The following AUTS2 variants were observed in gnomAD, a reference collection of about 807,000 sequenced individuals.
The protein encoded by AUTS2 is autism susceptibility gene 2 protein.
A neutral mutation model predicts 112.4 loss-of-function variants in AUTS2; 17 were observed. That is an observed-to-expected ratio of 0.15 (90% CI 0.10 to 0.23). The LOEUF is 0.23. AUTS2 is among the 10% of genes least tolerant of loss of function. AUTS2 has a pLI of 1.00. For synonymous variants in AUTS2, 751 were observed against 702.7 expected, an observed-to-expected ratio of 1.07 and a Z score of -1.09; for missense variants, 1,510 against 1,701.6, an observed-to-expected ratio of 0.89 and a Z score of 1.98.
chr7:69,860,041 G>GT (rs979416660), intron 1 of AUTS2, among the ~76,000 whole-genome samples: 58 of 151,072 alleles, frequency 3.8e-4, no homozygotes, highest in East Asian at 2.9e-3. Context: ...ACAAAGAGGT[G>GT]TTTTTTTTTG....
chr7:70,398,875 C>G (rs1188543722), intron 4 of AUTS2, among the ~76,000 whole-genome samples: 1 of 150,220 alleles, frequency 6.7e-6, no homozygotes, highest in Admixed American at 6.6e-5. Context: ...TGAAAAAGTT[C>G]TTTTCTAATC....
At chr7:69,861,877 G>C (rs544314832) in intron 1 of AUTS2, among the ~76,000 whole-genome samples, 1 of 152,268 alleles carries the variant, frequency 6.6e-6, no homozygotes, top group African/African-American at 2.4e-5. Context: ...AGGATAACTT[G>C]TTTAGACTTT....
chr7:70,440,060 C>G (rs1562958292), intron 5 of AUTS2, among the ~76,000 whole-genome samples: 1 of 151,952 alleles, frequency 6.6e-6, no homozygotes, highest in Non-Finnish European at 1.5e-5. Flanking sequence ...GACAACAGCT[C>G]TACATATAGT....
At chr7:70,492,140 C>T (rs1460784917) in intron 5 of AUTS2, among the ~76,000 whole-genome samples, 1 of 152,158 alleles carries the variant, frequency 6.6e-6, no homozygotes, top group Non-Finnish European at 1.5e-5. Flanking sequence ...CCTGGCCCAA[C>T]AGCTGCAGTA....
intron 1 of AUTS2, among the ~76,000 whole-genome samples, chr7:69,666,023 GTATTT>G (rs1392500607): frequency 6.6e-6 from 1 of 152,076 alleles, no homozygotes; most frequent in Non-Finnish European, 1.5e-5. Context: ...TAATAATACA[GTATTT>G]TATAGTCAAA....
intron 4 of AUTS2, among the ~76,000 whole-genome samples, chr7:70,139,801 C>A (rs1044960208): frequency 2.0e-5 from 3 of 152,034 alleles, no homozygotes; most frequent in Non-Finnish European, 2.9e-5. Context: ...GAGTTCGAGA[C>A]CAGCCTGGCC....
At chr7:70,240,234 A>G (rs1562812994) in intron 4 of AUTS2, among the ~76,000 whole-genome samples, 1 of 152,216 alleles carries the variant, frequency 6.6e-6, no homozygotes, top group Admixed American at 6.5e-5. Context: ...AGCCCTGGCT[A>G]CAATTGATGT....
chr7:70,653,907 T>G (rs752666424), intron 5 of AUTS2, among the ~76,000 whole-genome samples: 1 of 152,226 alleles, frequency 6.6e-6, no homozygotes, highest in Non-Finnish European at 1.5e-5. Context: ...ATGTACTGTT[T>G]GTATAAATTA....
At chr7:70,255,315 G>A (rs553023495) in intron 4 of AUTS2, among the ~76,000 whole-genome samples, 6 of 151,636 alleles carry the variant, frequency 4.0e-5, no homozygotes, top group Non-Finnish European at 5.9e-5. Flanking sequence ...CTCGTTATCC[G>A]CCCGCCTCAG....
chr7:70,408,617 T>C (rs1259525798), intron 4 of AUTS2, among the ~76,000 whole-genome samples: 3 of 152,200 alleles, frequency 2.0e-5, no homozygotes, highest in Non-Finnish European at 2.9e-5. Context: ...CATCACACTT[T>C]TGCCGACAAA....
intron 5 of AUTS2, among the ~76,000 whole-genome samples, chr7:70,593,186 C>T (rs1450188049): frequency 1.3e-5 from 2 of 152,108 alleles, no homozygotes; most frequent in East Asian, 3.9e-4. Context: ...TTTATAATTC[C>T]ACTTTCTCAT....
intron 4 of AUTS2, among the ~76,000 whole-genome samples, chr7:70,330,608 G>A (rs537375642): frequency 1.3e-5 from 2 of 152,238 alleles, no homozygotes; most frequent in African/African-American, 4.8e-5. Context: ...TGGCGATTGA[G>A]GGTCCATTGC....
intron 4 of AUTS2, among the ~76,000 whole-genome samples, chr7:70,380,283 C>G (rs147928225): frequency 1.3e-4 from 20 of 152,116 alleles, no homozygotes; most frequent in Admixed American, 1.3e-3. Flanking sequence ...AATATTTGCT[C>G]AAATAGAGAC....
intron 5 of AUTS2, among the ~76,000 whole-genome samples, chr7:70,654,269 G>A (rs1017081788): frequency 2.6e-5 from 4 of 152,174 alleles, no homozygotes; most frequent in African/African-American, 9.7e-5. Context: ...TTACAGTAAA[G>A]GTCTAGATAG....
intron 4 of AUTS2, among the ~76,000 whole-genome samples, chr7:70,219,075 C>T (rs149134581): frequency 2.0e-5 from 3 of 152,282 alleles, no homozygotes; most frequent in African/African-American, 7.2e-5. Flanking sequence ...TTGTTTTCCA[C>T]TCAATTAGAC....
chr7:70,399,563 T>G (rs963900012), intron 4 of AUTS2, among the ~76,000 whole-genome samples: 1 of 152,174 alleles, frequency 6.6e-6, no homozygotes, highest in Non-Finnish European at 1.5e-5. Context: ...TGCCAGTCTT[T>G]TATAATTTCC....
At chr7:70,176,259 G>C (rs1808982085) in intron 4 of AUTS2, among the ~76,000 whole-genome samples, 1 of 152,248 alleles carries the variant, frequency 6.6e-6, no homozygotes, top group Non-Finnish European at 1.5e-5. Flanking sequence ...GAAAGCTATA[G>C]ATATTGTTAG....
intron 1 of AUTS2, among the ~76,000 whole-genome samples, chr7:69,726,669 T>C (rs1194420767): frequency 6.6e-6 from 1 of 152,184 alleles, no homozygotes; most frequent in Non-Finnish European, 1.5e-5. Flanking sequence ...CCCTCCTGCA[T>C]TGTATGAGAG....
At chr7:70,651,737 C>G (rs894833795) in intron 5 of AUTS2, among the ~76,000 whole-genome samples, 13 of 152,096 alleles carry the variant, frequency 8.5e-5, no homozygotes, top group African/African-American at 2.9e-4. Context: ...AAGTTAGGGA[C>G]CATCTGTATG....
Sources: allele counts gnomAD v4.1 joint callset (sites outside exome capture counted in the v4.1 genomes callset), GRCh38; gene constraint gnomAD v4.1.1; transcripts MANE v1.5; gene names NCBI Gene and HGNC (gene_info 2026-07-23, HGNC 2026-07-21).